The following TMEM117 variants were observed in gnomAD, a reference collection of about 807,000 sequenced individuals.
TMEM117 encodes transmembrane protein 117.
A neutral mutation model predicts 52.4 loss-of-function variants in TMEM117; 27 were observed. The observed-to-expected ratio is 0.51, with a 90% CI of 0.38 to 0.71. The LOEUF is 0.71. Ranked by LOEUF, TMEM117 falls within the 30% of genes least tolerant of loss-of-function variation. The probability of loss-of-function intolerance (pLI) is 0.00; values close to 1 mark genes in which losing one functional copy is unlikely to be tolerated. For synonymous variants in TMEM117, 215 were observed against 206.3 expected, an observed-to-expected ratio of 1.04 and a Z score of -0.36; for missense variants, 556 against 630.5, an observed-to-expected ratio of 0.88 and a Z score of 1.26.
chr12:43,843,356 A>G (rs1343487158), intron 1 of TMEM117, among the ~76,000 whole-genome samples: 1 of 152,246 alleles, frequency 6.6e-6, no homozygotes, highest in African/African-American at 2.4e-5. Context: ...TCCAAACCCC[A>G]GAATTAGATA....
chr12:44,221,189 A>G (rs1949783542), intron 5 of TMEM117, among the ~76,000 whole-genome samples: 1 of 152,198 alleles, frequency 6.6e-6, no homozygotes, highest in Non-Finnish European at 1.5e-5. Flanking sequence ...CTGTACCATA[A>G]AAATGCTGTA....
intron 6 of TMEM117, among the ~76,000 whole-genome samples, chr12:44,351,675 A>ACTT (rs1404752870): frequency 6.6e-6 from 1 of 151,930 alleles, no homozygotes; most frequent in Non-Finnish European, 1.5e-5. Flanking sequence ...GCCTACATAT[A>ACTT]TATTCTGATT....
intron 2 of TMEM117, among the ~76,000 whole-genome samples, chr12:43,875,320 G>A (rs1406637648): frequency 1.3e-5 from 2 of 151,988 alleles, no homozygotes; most frequent in East Asian, 3.8e-4. Context: ...TGTGCCGGGA[G>A]CCATCTGACT....
intron 5 of TMEM117, among the ~76,000 whole-genome samples, chr12:44,232,667 A>G (rs1054519992): frequency 1.3e-5 from 2 of 151,462 alleles, no homozygotes; most frequent in African/African-American, 4.8e-5. Context: ...TTTTATTGAG[A>G]CTATAGATCA....
intron 4 of TMEM117, among the ~76,000 whole-genome samples, chr12:44,183,709 C>G (rs147582499): frequency 2.0e-5 from 3 of 152,134 alleles, no homozygotes; most frequent in African/African-American, 7.2e-5. Context: ...TAATATGCAA[C>G]TGAGTAGCCT....
At chr12:44,251,274 A>G (rs1336550072) in intron 5 of TMEM117, among the ~76,000 whole-genome samples, 2 of 152,198 alleles carry the variant, frequency 1.3e-5, no homozygotes, top group African/African-American at 2.4e-5. Flanking sequence ...CAGGTCTTCT[A>G]AAATGGAAAC....
At chr12:43,804,906 A>C in the TMEM117 span, among the ~76,000 whole-genome samples, 1 of 152,238 alleles carries the variant, frequency 6.6e-6, no homozygotes. Flanking sequence ...TCTTTTGAAA[A>C]ATATTGAAAA....
intron 3 of TMEM117, among the ~76,000 whole-genome samples, chr12:44,118,392 G>C (rs569315559): frequency 3.3e-5 from 5 of 152,282 alleles, no homozygotes; most frequent in African/African-American, 1.2e-4. Context: ...GAAAGCAGGG[G>C]AAGGATGGAA....
chr12:43,815,620 C>A, the TMEM117 span, among the ~76,000 whole-genome samples: 3,676 of 152,318 alleles, frequency 0.024, 75 homozygotes, highest in South Asian at 0.076. Flanking sequence ...TGTCAGGTAG[C>A]ATACAAGGTG....
At chr12:44,326,057 A>G (rs1304532616) in intron 6 of TMEM117, among the ~76,000 whole-genome samples, 2 of 152,054 alleles carry the variant, frequency 1.3e-5, no homozygotes, top group African/African-American at 4.8e-5. Flanking sequence ...CAGCTCCTCC[A>G]GAGGCTGAGG....
Position 44,352,753 on chromosome 12 carries a change from C to G in TMEM117, c.769-23842C>G, listed in dbSNP as rs200696791. On this transcript the variant is annotated intron_variant, in intron 6 of 7. Transcript: ENST00000266534. Reference sequence around the variant, plus strand: ...CTATTATGAATAGTGCTGCAATAAACATACGTGTTCATGTGTCTTTATAGC... The same window carrying G: ...CTATTATGAATAGTGCTGCAATAAAGATACGTGTTCATGTGTCTTTATAGC... Among the ~76,000 whole-genome samples the G allele has an allele frequency of 7.2e-5, 11 of 152,248 alleles. No homozygotes were observed. In the East Asian group the frequency reaches 1.7e-3, roughly 24 times the overall value.
chr12:44,128,532 T>C (rs1948363974), intron 3 of TMEM117, among the ~76,000 whole-genome samples: 2 of 152,244 alleles, frequency 1.3e-5, no homozygotes, highest in Admixed American at 6.5e-5. Flanking sequence ...AATGAATAAA[T>C]AGCTGACCCT....
intron 3 of TMEM117, among the ~76,000 whole-genome samples, chr12:44,023,818 TG>T (rs1331084741): frequency 2.3e-5 from 1 of 43,932 alleles, no homozygotes; most frequent in Admixed American, 3.6e-4. Flanking sequence ...TGTTGTGGGG[TG>T]GGGGGAGGGG....
At chr12:44,048,166 A>C (rs1946909803) in intron 3 of TMEM117, among the ~76,000 whole-genome samples, 1 of 152,138 alleles carries the variant, frequency 6.6e-6, no homozygotes, top group Non-Finnish European at 1.5e-5. Context: ...ACGTTACAGT[A>C]CACTCTTATA....
At chr12:44,345,752 GTTA>G (rs759789095) in intron 6 of TMEM117, among the ~76,000 whole-genome samples, 2 of 152,002 alleles carry the variant, frequency 1.3e-5, no homozygotes, top group Non-Finnish European at 1.5e-5. Flanking sequence ...TTTCCTGGTT[GTTA>G]TTGTTATTTT....
the TMEM117 span, among the ~76,000 whole-genome samples, chr12:43,823,559 G>T: frequency 6.6e-6 from 1 of 151,744 alleles, no homozygotes; most frequent in Non-Finnish European, 1.5e-5. Flanking sequence ...CTCCAGGCTG[G>T]AGCACAGTGG....
intron 3 of TMEM117, among the ~76,000 whole-genome samples, chr12:44,126,320 A>G (rs1948324040): frequency 6.6e-6 from 1 of 152,214 alleles, no homozygotes; most frequent in Non-Finnish European, 1.5e-5. Flanking sequence ...GTGCTTTTAT[A>G]TCAGATAACT....
At chr12:44,176,991 T>G (rs2138300121) in intron 4 of TMEM117, among the ~76,000 whole-genome samples, 2 of 152,266 alleles carry the variant, frequency 1.3e-5, no homozygotes, top group South Asian at 4.1e-4. Flanking sequence ...AAGTTCTGCA[T>G]GACTGTAAAA....
intron 4 of TMEM117, among the ~76,000 whole-genome samples, chr12:44,162,233 C>T (rs1948907572): frequency 6.6e-6 from 1 of 152,150 alleles, no homozygotes; most frequent in South Asian, 2.1e-4. Flanking sequence ...TCTTTAAATG[C>T]CTCTTCACTT....
Sources: gnomAD v4.1 joint callset for allele counts (sites outside exome capture counted in the v4.1 genomes callset) on GRCh38, gnomAD v4.1.1 for gene constraint, MANE v1.5 for transcripts, NCBI Gene and HGNC (gene_info 2026-07-23, HGNC 2026-07-21) for gene names.